Variants in LEKR1 observed in about 807,000 individuals in gnomAD.
LEKR1 encodes the protein leucine, glutamate and lysine rich 1.
A neutral mutation model predicts 72.4 loss-of-function variants in LEKR1; 59 were observed. That is an observed-to-expected ratio of 0.82 (90% CI 0.66 to 1.01). The LOEUF (loss-of-function observed/expected upper bound fraction) is 1.01, where lower values mean the gene tolerates loss of function less well. LEKR1 is among the 50% of genes least tolerant of loss of function. The probability of loss-of-function intolerance (pLI) is 0.00; values close to 1 mark genes in which losing one functional copy is unlikely to be tolerated. For missense variants in LEKR1, 728 were observed against 759.2 expected (o/e 0.96, Z 0.48); for synonymous variants, 257 against 263.2 (o/e 0.98, Z 0.23).
intron 6 of LEKR1, among the ~76,000 whole-genome samples, chr3:156,978,006 C>A (rs1286659138): frequency 1.3e-5 from 2 of 152,202 alleles, no homozygotes; most frequent in African/African-American, 2.4e-5. Context: ...CTAATCCTCC[C>A]TCTCCTTACC....
chr3:156,945,092 AT>A (rs1310732947), intron 6 of LEKR1, among the ~76,000 whole-genome samples: 1 of 151,562 alleles, frequency 6.6e-6, no homozygotes, highest in Non-Finnish European at 1.5e-5. Context: ...ATTTTCTGTC[AT>A]TTGGATAAAA....
chr3:157,019,623 G>A (rs1040934667), intron 10 of LEKR1, among the ~76,000 whole-genome samples: 3 of 152,082 alleles, frequency 2.0e-5, no homozygotes, highest in East Asian at 1.9e-4. Flanking sequence ...ATTAGTTATT[G>A]TATAAAGTGG....
intron 3 of LEKR1, among the ~76,000 whole-genome samples, chr3:156,899,478 A>G (rs1315596495): frequency 3.5e-5 from 3 of 85,530 alleles, no homozygotes; most frequent in African/African-American, 1.3e-4. Flanking sequence ...GTATATATAC[A>G]TACATACATA....
chr3:157,012,524 C>T (rs936100753), intron 10 of LEKR1, among the ~76,000 whole-genome samples: 3 of 152,122 alleles, frequency 2.0e-5, no homozygotes, highest in Admixed American at 1.3e-4. Flanking sequence ...TACTGAAACC[C>T]TTTAGGTATT....
chr3:156,920,800 G>A (rs1724123791), intron 4 of LEKR1, 106 bp downstream of exon 4: 1 of 621,628 alleles, frequency 1.6e-6, no homozygotes, highest in Non-Finnish European at 2.6e-6. Flanking sequence ...TATCTGGTGT[G>A]ATTGAGAAAA....
intron 3 of LEKR1, among the ~76,000 whole-genome samples, chr3:156,914,220 T>C (rs920577691): frequency 1.3e-5 from 2 of 152,106 alleles, no homozygotes; most frequent in African/African-American, 4.8e-5. Flanking sequence ...ACGTGCAGGT[T>C]TGTTACATAA....
At chr3:156,838,290 G>A (rs344082) in intron 2 of LEKR1, among the ~76,000 whole-genome samples, 128,488 of 152,224 alleles carry the variant, frequency 0.84, 54,386 homozygotes, top group African/African-American at 0.91. Context: ...AGTCTCCTGG[G>A]CTTTCATCAG....
intron 3 of LEKR1, among the ~76,000 whole-genome samples, chr3:156,883,009 G>C (rs924134411): frequency 2.8e-4 from 42 of 150,184 alleles, no homozygotes; most frequent in Non-Finnish European, 1.2e-4. Context: ...TTGTGGGTTG[G>C]GGGGAGGGGG....
chr3:156,927,028 A>G (rs915841190), intron 4 of LEKR1, among the ~76,000 whole-genome samples: 2 of 151,926 alleles, frequency 1.3e-5, no homozygotes, highest in African/African-American at 4.8e-5. Flanking sequence ...TTCACTACCT[A>G]TATAACCATG....
chr3:156,852,823 A>T lies in LEKR1; in HGVS notation c.104A>T (p.His35Leu). The change falls in exon 3 of 13, where the codon CAT (histidine) becomes CTT (leucine). Residue 35 changes from histidine to leucine, a missense_variant. Physicochemically the swap from His to Leu is moderately conservative, Grantham distance 99. Transcript: ENST00000356539. ...KYCGVSYLILHEFKAMEEKVK... is the reference protein window; with the variant it reads ...KYCGVSYLILLEFKAMEEKVK... Reference sequence around the variant, plus strand: ...TGTGGAGTCAGCTATCTAATTCTTCATGAATTTAAGGCTATGGAAGAAAAA... The same window carrying T: ...TGTGGAGTCAGCTATCTAATTCTTCTTGAATTTAAGGCTATGGAAGAAAAA... 6.5e-7 allele frequency: 1 copy of T among 1,535,490 alleles called. No individual in the cohort carries two copies. The highest frequency in any genetic ancestry group is 8.7e-7 in the Non-Finnish European group (1 of 1,145,834).
chr3:156,942,353 G>A (rs539528864), intron 5 of LEKR1, among the ~76,000 whole-genome samples, 176 bp from the exon 6 acceptor site: 45 of 151,788 alleles, frequency 3.0e-4, no homozygotes, highest in Admixed American at 1.6e-3. Context: ...TTTTTTTATC[G>A]TTTTCAGACT....
chr3:156,838,261 C>A (rs1195114688), intron 2 of LEKR1, among the ~76,000 whole-genome samples: 5 of 152,146 alleles, frequency 3.3e-5, no homozygotes, highest in Non-Finnish European at 7.4e-5. Context: ...AGAATGTGAC[C>A]AACCAGACAA....
At chr3:156,989,696 T>C (rs1481701230) in intron 7 of LEKR1, among the ~76,000 whole-genome samples, 1 of 152,192 alleles carries the variant, frequency 6.6e-6, no homozygotes, top group Non-Finnish European at 1.5e-5. Context: ...AAAATAATAA[T>C]AGTTCAAAGA....
At chr3:156,951,274 G>T (rs888085442) in intron 6 of LEKR1, among the ~76,000 whole-genome samples, 1 of 151,568 alleles carries the variant, frequency 6.6e-6, no homozygotes, top group African/African-American at 2.4e-5. Flanking sequence ...CAAGTATTTT[G>T]TTAAGGATTT....
intron 6 of LEKR1, among the ~76,000 whole-genome samples, chr3:156,967,801 G>A (rs913680138): frequency 1.3e-5 from 2 of 152,046 alleles, no homozygotes; most frequent in African/African-American, 4.8e-5. Context: ...CTCGAGAAGA[G>A]CAACTCCAAG....
At chr3:156,931,521 C>T (rs1056662504) in intron 5 of LEKR1, among the ~76,000 whole-genome samples, 1 of 152,076 alleles carries the variant, frequency 6.6e-6, no homozygotes, top group Non-Finnish European at 1.5e-5. Context: ...TGAAAATGTA[C>T]GTCCACAAGA....
intron 3 of LEKR1, among the ~76,000 whole-genome samples, chr3:156,869,393 T>C (rs1717659922): frequency 6.6e-6 from 1 of 152,092 alleles, no homozygotes; most frequent in Admixed American, 6.6e-5. Context: ...AAAGTAGCTG[T>C]TCTAACTGGG....
At chr3:157,026,596 A>C (rs770306727) in intron 11 of LEKR1, among the ~76,000 whole-genome samples, 12 of 152,316 alleles carry the variant, frequency 7.9e-5, no homozygotes, top group African/African-American at 1.2e-4. Flanking sequence ...AAAATTATGA[A>C]CTATGGTGAA....
chr3:156,846,817 GTATT>G (rs1197003172), intron 2 of LEKR1, among the ~76,000 whole-genome samples: 1 of 152,002 alleles, frequency 6.6e-6, no homozygotes, highest in Non-Finnish European at 1.5e-5. Flanking sequence ...ATGTATGTAT[GTATT>G]TATTTATTTG....
Sources: allele counts gnomAD v4.1 joint callset (sites outside exome capture counted in the v4.1 genomes callset), GRCh38; gene constraint gnomAD v4.1.1; transcripts MANE v1.5; gene names NCBI Gene and HGNC (gene_info 2026-07-23, HGNC 2026-07-21).